The following SLIT2 variants were observed in gnomAD, a reference collection of about 807,000 sequenced individuals.
SLIT2 encodes the protein slit homolog 2 protein.
A neutral mutation model predicts 185.7 loss-of-function variants in SLIT2; 41 were observed. That is an observed-to-expected ratio of 0.22 (90% CI 0.17 to 0.29). The LOEUF is 0.29. SLIT2 is among the 10% of genes least tolerant of loss of function. The pLI, the probability that SLIT2 is intolerant of heterozygous loss-of-function variation, is 1.00. For missense variants in SLIT2, 1,571 were observed against 1,909.0 expected, an observed-to-expected ratio of 0.82 and a Z score of 3.30; for synonymous variants, 693 against 680.2, an observed-to-expected ratio of 1.02 and a Z score of -0.29.
At chr4:20,509,121 ATATT>A (rs1234347314) in intron 9 of SLIT2, among the ~76,000 whole-genome samples, 1 of 151,606 alleles carries the variant, frequency 6.6e-6, no homozygotes, top group African/African-American at 2.4e-5. Context: ...TGTTGTCATG[ATATT>A]TATTCATATT....
intron 4 of SLIT2, among the ~76,000 whole-genome samples, chr4:20,438,450 G>A (rs753904463): frequency 4.6e-5 from 7 of 152,106 alleles, no homozygotes; most frequent in Non-Finnish European, 7.4e-5. Flanking sequence ...ATCAGATCTC[G>A]TGAGACCCAT....
At chr4:20,494,007 T>C (rs1468624019) in intron 9 of SLIT2, among the ~76,000 whole-genome samples, 1 of 152,210 alleles carries the variant, frequency 6.6e-6, no homozygotes, top group Non-Finnish European at 1.5e-5. Flanking sequence ...TAAATATACA[T>C]TGGAGTCAGT....
At chr4:20,547,379 G>A (rs73252484) in intron 22 of SLIT2, among the ~76,000 whole-genome samples, 16,078 of 152,070 alleles carry the variant, frequency 0.11, 936 homozygotes, top group Admixed American at 0.17. Flanking sequence ...AGGATTTGTG[G>A]ATCCAAAAAT....
intron 4 of SLIT2, among the ~76,000 whole-genome samples, chr4:20,348,197 T>C (rs1401248405): frequency 6.6e-6 from 1 of 152,154 alleles, no homozygotes; most frequent in African/African-American, 2.4e-5. Context: ...ATGCTGAGTC[T>C]GATACATTGG....
intron 4 of SLIT2, among the ~76,000 whole-genome samples, chr4:20,415,147 C>G (rs537130192): frequency 6.6e-6 from 1 of 152,122 alleles, no homozygotes; most frequent in East Asian, 1.9e-4. Context: ...CGCGGTGGCC[C>G]GCGCCTGTAA....
At chr4:20,436,796 C>A (rs73108644) in intron 4 of SLIT2, among the ~76,000 whole-genome samples, 2,341 of 152,168 alleles carry the variant, frequency 0.015, 43 homozygotes, top group African/African-American at 0.037. Flanking sequence ...TACTGTCTGG[C>A]CCTTTTCAGA....
chr4:20,497,912 G>A (rs935237661), intron 9 of SLIT2, among the ~76,000 whole-genome samples: 5 of 152,046 alleles, frequency 3.3e-5, no homozygotes, highest in Admixed American at 6.6e-5. Flanking sequence ...GCTGGATCAC[G>A]CCTGTAATCT....
Position 20,254,642 on chromosome 4 carries a change from G to A in SLIT2, c.179+648G>A, listed in dbSNP as rs1281233517. Among the ~76,000 whole-genome samples the A allele has an allele frequency of 6.6e-6, 1 of 152,070 alleles. No individual in the cohort carries two copies. The highest frequency in any genetic ancestry group is 2.4e-5 in the African/African-American group (1 of 41,430). Reference sequence around the variant, plus strand: ...CTCCGGGGAGGGGAAGACGGCGTCAGGCCCCTAGGGACTTGTCTCAGCGGG... The same window carrying A: ...CTCCGGGGAGGGGAAGACGGCGTCAAGCCCCTAGGGACTTGTCTCAGCGGG... On this transcript the variant is annotated intron_variant, in intron 1 of 36. Transcript: ENST00000504154. This position sits in a 1 kb window ranked among gnomAD's most constrained non-coding sequence, Gnocchi z 5.1.
At chr4:20,502,411 T>A (rs1718824017) in intron 9 of SLIT2, among the ~76,000 whole-genome samples, 1 of 152,198 alleles carries the variant, frequency 6.6e-6, no homozygotes, top group Admixed American at 6.5e-5. Flanking sequence ...GTGCTTGCTC[T>A]GCATCAGGCA....
chr4:20,405,878 T>C (rs1726738979), intron 4 of SLIT2, among the ~76,000 whole-genome samples: 1 of 152,080 alleles, frequency 6.6e-6, no homozygotes, highest in Non-Finnish European at 1.5e-5. Flanking sequence ...GAGTAATTTT[T>C]ATCTTTTTAA....
At chr4:20,483,342 C>A (rs527433828) in intron 6 of SLIT2, among the ~76,000 whole-genome samples, 7 of 151,952 alleles carry the variant, frequency 4.6e-5, no homozygotes, top group Non-Finnish European at 8.8e-5. Flanking sequence ...AGCAAGGAAG[C>A]AGTTTAACAC....
At chr4:20,351,284 G>GC (rs1721853628) in intron 4 of SLIT2, among the ~76,000 whole-genome samples, 1 of 151,914 alleles carries the variant, frequency 6.6e-6, no homozygotes, top group Non-Finnish European at 1.5e-5. Context: ...CCTGACCTCA[G>GC]GTGATCCACC....
intron 4 of SLIT2, among the ~76,000 whole-genome samples, chr4:20,308,473 G>A (rs1184414591): frequency 6.6e-6 from 1 of 152,110 alleles, no homozygotes; most frequent in Non-Finnish European, 1.5e-5. Context: ...GAAACAACGT[G>A]GTATAGAAAG....
intron 29 of SLIT2, chr4:20,573,087 G>A (rs888716414): frequency 1.5e-6 from 1 of 667,350 alleles, no homozygotes; most frequent in Non-Finnish European, 2.7e-6. Flanking sequence ...GTGTGGCCCG[G>A]CTGTAGGTAA....
At chr4:20,439,545 A>G (rs1229639278) in intron 4 of SLIT2, among the ~76,000 whole-genome samples, 2 of 152,192 alleles carry the variant, frequency 1.3e-5, no homozygotes, top group Non-Finnish European at 2.9e-5. Context: ...CCATTTTATA[A>G]GGACACCGAT....
Position 20,532,095 on chromosome 4 carries a change from G to A in SLIT2, c.1688+37G>A. ...GTTAGCTATTTTTTTTATTTCTGTA[G>A]CATTTTTTGGGTGTTCATTTCAGTT... On this transcript the variant is annotated intron_variant, in intron 17 of 36. Transcript: ENST00000504154. The A allele has an allele frequency of 3.3e-6, 4 of 1,220,768 alleles. No individual in the cohort carries two copies. The Middle Eastern group carries it at 6.0e-4, about 182-fold the overall frequency. The allele number at this position is 1,220,768 out of a possible 1,614,324, so 75.6% of individuals were successfully genotyped here. A position where few individuals can be genotyped will look rare whatever the true frequency, so the allele number is the denominator to read the frequency against.
intron 9 of SLIT2, among the ~76,000 whole-genome samples, chr4:20,508,907 G>A (rs774776034): frequency 4.6e-5 from 7 of 152,070 alleles, no homozygotes; most frequent in Admixed American, 2.6e-4. Flanking sequence ...AAGAAAAACC[G>A]TAGCACCATG....
intron 8 of SLIT2, among the ~76,000 whole-genome samples, chr4:20,490,349 T>C (rs1215291107): frequency 6.6e-6 from 1 of 152,026 alleles, no homozygotes; most frequent in Non-Finnish European, 1.5e-5. Context: ...GGGATCTCAA[T>C]AGAAGTGGTT....
intron 4 of SLIT2, among the ~76,000 whole-genome samples, chr4:20,461,614 C>T (rs182043147): frequency 1.3e-5 from 2 of 152,208 alleles, no homozygotes; most frequent in African/African-American, 4.8e-5. Flanking sequence ...TAGGTGCGAT[C>T]AGGGGACTAG....
Sources: allele counts gnomAD v4.1 joint callset (sites outside exome capture counted in the v4.1 genomes callset), GRCh38; gene constraint gnomAD v4.1.1; non-coding constraint Gnocchi (gnomAD v3.1); transcripts MANE v1.5; gene names NCBI Gene and HGNC (gene_info 2026-07-23, HGNC 2026-07-21).